ZNF92: variants seen among roughly 807,000 people sequenced by gnomAD.
ZNF92 encodes epididymis luminal protein 203.
A neutral mutation model predicts 12.4 loss-of-function variants in ZNF92; 11 were observed. The observed-to-expected ratio is 0.89, with a 90% CI of 0.56 to 1.47. The LOEUF (loss-of-function observed/expected upper bound fraction) is 1.47, where lower values mean the gene tolerates loss of function less well. Ranked by LOEUF, ZNF92 falls within the 40% of genes most tolerant of loss-of-function variation. ZNF92 has a pLI of 0.00. For synonymous variants in ZNF92, 206 were observed against 228.6 expected (o/e 0.90, Z 0.89); for missense variants, 622 against 681.0 (o/e 0.91, Z 0.96).
rs758399991 is a variant in ZNF92, at chr7:65,399,626, T to A, written c.1512T>A (p.Thr504=). 6.2e-7 allele frequency: 1 copy of A among 1,613,790 alleles called. No individual in the cohort carries two copies. Among genetic ancestry groups the A allele is most frequent in the Non-Finnish European group, 8.5e-7 (1 of 1,179,824 alleles). ...TTACTAAACATAAGATAATTCACACTGAAGGGAAATCCTACAAATGTGAAA... is the reference window on the plus strand; with the variant it reads ...TTACTAAACATAAGATAATTCACACAGAAGGGAAATCCTACAAATGTGAAA... ...SIFTKHKIIH[T]EGKSYKCEKC... The change falls in exon 4 of 4, where the codon ACT becomes ACA. Residue 504 remains threonine (T), a synonymous_variant. Coordinates refer to ENST00000328747, the MANE Select transcript of ZNF92 (RefSeq NM_152626.4).
At chr7:65,397,496 T>A (rs900323134) in intron 3 of ZNF92, among the ~76,000 whole-genome samples, 5 of 152,122 alleles carry the variant, frequency 3.3e-5, no homozygotes, top group African/African-American at 9.7e-5. Context: ...TATAACTTTA[T>A]TTTTTATGGT....
At chr7:65,393,300 A>G (rs1793767187) in intron 3 of ZNF92, among the ~76,000 whole-genome samples, 1 of 152,136 alleles carries the variant, frequency 6.6e-6, no homozygotes, top group Non-Finnish European at 1.5e-5. Context: ...ATGTCAGGTG[A>G]CAAAATATTC....
chr7:65,376,035 C>T (rs1410502648), intron 1 of ZNF92, among the ~76,000 whole-genome samples: 1 of 151,702 alleles, frequency 6.6e-6, no homozygotes, highest in Non-Finnish European at 1.5e-5. Flanking sequence ...GCCTCAGCCT[C>T]CCGAGTAGCT....
At chr7:65,382,468 A>G (rs1250269028) in intron 1 of ZNF92, among the ~76,000 whole-genome samples, 1 of 152,034 alleles carries the variant, frequency 6.6e-6, no homozygotes, top group Non-Finnish European at 1.5e-5. Context: ...TTGTGCTGCA[A>G]AATGCATGCT....
chr7:65,393,910 AT>A (rs1204326077), intron 3 of ZNF92, among the ~76,000 whole-genome samples: 1 of 151,242 alleles, frequency 6.6e-6, no homozygotes, highest in Non-Finnish European at 1.5e-5. Flanking sequence ...TGTTCTTCAT[AT>A]CTTCATTTCT....
At chr7:65,392,880 C>G (rs1793752523) in intron 3 of ZNF92, among the ~76,000 whole-genome samples, 1 of 151,518 alleles carries the variant, frequency 6.6e-6, no homozygotes, top group African/African-American at 2.4e-5. Context: ...ATGTGGAGAC[C>G]CTCTCTCTAC....
At position 65,379,255 on chromosome 7, in the gene ZNF92, T is replaced by A. The variant is rs530360685; in HGVS notation, c.3+5255T>A. On this transcript the variant is annotated intron_variant, in intron 1 of 3. Coordinates refer to ENST00000328747, the MANE Select transcript of ZNF92 (RefSeq NM_152626.4). ...AATCAGGGTCCGTGCAGACTCTGGATGGTGTCAGAATTCAAATGTTAGAAA... is the reference window on the plus strand; with the variant it reads ...AATCAGGGTCCGTGCAGACTCTGGAAGGTGTCAGAATTCAAATGTTAGAAA... 2.0e-5 allele frequency among the ~76,000 whole-genome samples: 3 copies of A among 152,246 alleles called. No individual in the cohort carries two copies. In the East Asian group the frequency reaches 5.8e-4, roughly 29 times the overall value.
chr7:65,394,357 A>G (rs1291503648), intron 3 of ZNF92, among the ~76,000 whole-genome samples: 1 of 152,058 alleles, frequency 6.6e-6, no homozygotes, highest in African/African-American at 2.4e-5. Flanking sequence ...TCATTTGATC[A>G]TATATAGAAG....
intron 3 of ZNF92, among the ~76,000 whole-genome samples, chr7:65,394,072 T>G (rs1793789969): frequency 6.6e-6 from 1 of 152,098 alleles, no homozygotes; most frequent in Admixed American, 6.5e-5. Context: ...GTGTAAAAAT[T>G]TTGAAGTATA....
rs1195201005 is a variant in ZNF92 at position 65,398,749 on chromosome 7, G to T, written c.635G>T (p.Trp212Leu). ...KCEECGKAFN[W>L]SSTLTKHKII... ...GAAGAATGTGGTAAAGCCTTTAACTGGTCCTCAACCCTTACTAAACATAAG... is the reference window on the plus strand; with the variant it reads ...GAAGAATGTGGTAAAGCCTTTAACTTGTCCTCAACCCTTACTAAACATAAG... Residue 212 changes from tryptophan (W) to leucine (L), a missense_variant, in exon 4 of 4, where the codon TGG becomes TTG. Transcript: ENST00000328747. 2.5e-6 allele frequency: 4 copies of T among 1,612,626 alleles called. No homozygotes were observed. Among genetic ancestry groups the T allele is most frequent in the Admixed American group, 3.3e-5 (2 of 59,920 alleles).
At chr7:65,384,825 G>A (rs4718232) in intron 1 of ZNF92, among the ~76,000 whole-genome samples, 40,373 of 151,912 alleles carry the variant, frequency 0.27, 6,845 homozygotes, top group African/African-American at 0.45. Context: ...AGGGTGTTAC[G>A]AGGATTAAAT....
intron 1 of ZNF92, among the ~76,000 whole-genome samples, chr7:65,387,133 G>T (rs1020400474): frequency 9.9e-5 from 15 of 151,894 alleles, no homozygotes; most frequent in Admixed American, 9.2e-4. Context: ...TAGAAATGGG[G>T]TTTCACCATG....
intron 1 of ZNF92, among the ~76,000 whole-genome samples, chr7:65,383,710 A>G (rs1403600206): frequency 6.6e-6 from 1 of 152,120 alleles, no homozygotes; most frequent in African/African-American, 2.4e-5. Flanking sequence ...GGAGTAGAGT[A>G]TTCTTGTCCT....
chr7:65,381,203 G>A (rs961871824), intron 1 of ZNF92, among the ~76,000 whole-genome samples: 5 of 151,450 alleles, frequency 3.3e-5, no homozygotes, highest in African/African-American at 4.9e-5. Context: ...TAGTAGAGAC[G>A]GGGGTTTCAC....
At chr7:65,394,913 T>C (rs1383943721) in intron 3 of ZNF92, among the ~76,000 whole-genome samples, 1 of 152,158 alleles carries the variant, frequency 6.6e-6, no homozygotes, top group Non-Finnish European at 1.5e-5. Context: ...CCCAAAATGC[T>C]GGGATTGCAG....
chr7:65,399,590 G>T lies in ZNF92; in HGVS notation c.1476G>T (p.Gln492His). Residue 492 changes from glutamine (Q) to histidine (H), a missense_variant, in exon 4 of 4, where the codon CAG becomes CAT. Coordinates refer to ENST00000328747, the MANE Select transcript of ZNF92 (RefSeq NM_152626.4). ...AAGAATGTGGCAAAGCCTTTAACCA[G>T]TCCTCAATTTTTACTAAACATAAGA... The part of the protein sequence containing the change: ...KCEECGKAFN[Q>H]SSIFTKHKII... The T allele has an allele frequency of 6.2e-7, 1 of 1,613,590 alleles. No individual in the cohort carries two copies.
intron 3 of ZNF92, among the ~76,000 whole-genome samples, chr7:65,397,215 T>C (rs1006726640): frequency 1.3e-5 from 2 of 152,116 alleles, no homozygotes; most frequent in African/African-American, 4.8e-5. Context: ...ATTACTTTTA[T>C]CTTGCAGCTC....
chr7:65,388,274 G>C lies in ZNF92; in HGVS notation c.130+246G>C, dbSNP rs182860471. The C allele has an allele frequency of 4.0e-3, 1,102 of 276,478 alleles. 5 individuals carry two copies. Among genetic ancestry groups the C allele is most frequent in the Non-Finnish European group, 5.3e-3 (789 of 147,960 alleles). The allele number at this position is 276,478 out of a possible 1,614,324, so 17.1% of individuals were successfully genotyped here. On this transcript the variant is annotated intron_variant, in intron 2 of 3. Coordinates refer to ENST00000328747, the MANE Select transcript of ZNF92 (RefSeq NM_152626.4). ...TTAGTGGTAATTCCAGAAATTTATT[G>C]GCATAAAATATTGTTGCTACCACCA...
In ZNF92 at chr7:65,399,729, T is replaced by C; in HGVS notation, c.1615T>C (p.Tyr539His). 6.2e-7 allele frequency: 1 copy of C among 1,613,204 alleles called. No homozygotes were observed. The highest frequency in any genetic ancestry group is 1.3e-5 in the African/African-American group (1 of 74,964). Residue 539 changes from tyrosine (Y) to histidine (H), a missense_variant, in exon 4 of 4, where the codon TAT becomes CAT. Physicochemically the swap from Tyr to His is moderately conservative, Grantham distance 83. Coordinates refer to ENST00000328747, the MANE Select transcript of ZNF92 (RefSeq NM_152626.4). ...IIYTGEKPYKYEECDKAFNKF... is the reference protein window; with the variant it reads ...IIYTGEKPYKHEECDKAFNKF... ...TTATACTGGAGAGAAACCCTACAAA[T>C]ATGAAGAATGTGACAAAGCCTTTAA...
Sources: gnomAD v4.1 joint callset for allele counts (sites outside exome capture counted in the v4.1 genomes callset) on GRCh38, gnomAD v4.1.1 for gene constraint, MANE v1.5 for transcripts, NCBI Gene and HGNC (gene_info 2026-07-23, HGNC 2026-07-21) for gene names.